Variants in SHROOM4 observed in about 807,000 individuals in gnomAD.
SHROOM4 encodes shroom family member 4.
Under a neutral mutation model 80.3 loss-of-function variants are expected in SHROOM4, and 17 were observed. The ratio of observed to expected loss-of-function variants is 0.21; its 90% CI spans 0.14 to 0.32. The LOEUF (loss-of-function observed/expected upper bound fraction) is 0.32. Among genes scored for constraint, SHROOM4 ranks in the 10% least tolerant of loss-of-function variants. The pLI, the probability that SHROOM4 is intolerant of heterozygous loss-of-function variation, is 1.00. For missense variants in SHROOM4, 993 were observed against 1,140.3 expected (o/e 0.87, Z 1.86); for synonymous variants, 400 against 437.5 (o/e 0.91, Z 1.07).
rs1934195780 is a variant in SHROOM4, at chrX:50,724,242, G to T, written c.118-28305C>A. The stretch of plus-strand genomic sequence containing the variant: ...AGAGAGCCATGAGCCAAGGAATATG[G>T]GCAACCTCTAGAAGCTAAAAAAGGC... On this transcript the variant is annotated intron_variant, in intron 1 of 8. Coordinates refer to ENST00000376020, the MANE Select transcript of SHROOM4 (RefSeq NM_020717.5). 2.7e-5 allele frequency among the ~76,000 whole-genome samples: 3 copies of T among 111,282 alleles called. No homozygotes were observed. The South Asian group carries it at 1.1e-3, about 42-fold the overall frequency.
intron 5 of SHROOM4, among the ~76,000 whole-genome samples, chrX:50,615,299 C>T (rs1930188921): frequency 9.0e-6 from 1 of 111,327 alleles, no homozygotes; most frequent in Admixed American, 9.6e-5. Flanking sequence ...CCTTTCCTAT[C>T]CTCCCACACT....
chrX:50,762,351 C>G (rs187418427), intron 1 of SHROOM4, among the ~76,000 whole-genome samples: 21 of 112,135 alleles, frequency 1.9e-4, no homozygotes, highest in African/African-American at 6.5e-4. Context: ...AAGTATCTCT[C>G]TATATGTTAC....
rs781955491 is a variant in SHROOM4 at position 50,607,713 on chromosome X, CTCTTCT to C, written c.3423_3428del (p.Glu1150_Glu1151del). On this transcript the variant is annotated inframe_deletion, in exon 6 of 9. Transcript: ENST00000376020. ...CCTCCTCCTCCTCCTCTTCCTCTTCCTCTTCTTCTTCTTCTTCCTCCTCCTCCTCCT... is the reference window on the plus strand; with the variant it reads ...CCTCCTCCTCCTCCTCTTCCTCTTCCTCTTCTTCTTCCTCCTCCTCCTCCT... 134 of 1,167,397 alleles carry C rather than the reference CTCTTCT, an allele frequency of 1.1e-4. No individual in the cohort carries two copies. The highest frequency in any genetic ancestry group is 5.6e-4 in the Admixed American group (24 of 43,080).
At chrX:50,615,102 G>GTGTGTGTGTGTCTCTTAT (rs1930178830) in intron 5 of SHROOM4, among the ~76,000 whole-genome samples, 1 of 45,981 alleles carries the variant, frequency 2.2e-5, no homozygotes, top group South Asian at 9.2e-4. Context: ...CTCTTATTGT[G>GTGTGTGTGTGTCTCTTAT]TGTGTGTGTG....
chrX:50,693,574 AAAAAGT>A (rs1383341853), intron 2 of SHROOM4, among the ~76,000 whole-genome samples: 1 of 105,792 alleles, frequency 9.5e-6, no homozygotes. Context: ...TCAAAAAAAA[AAAAAGT>A]AAGAGCTTTT....
chrX:50,801,392 T>C (rs1481473412), intron 1 of SHROOM4, among the ~76,000 whole-genome samples: 2 of 110,495 alleles, frequency 1.8e-5, no homozygotes, highest in Non-Finnish European at 3.8e-5. Context: ...AGTTCAGCCT[T>C]AAATTAGGGC....
downstream of SHROOM4, among the ~76,000 whole-genome samples, chrX:50,585,550 A>T (rs993525886): frequency 9.0e-6 from 1 of 111,647 alleles, no homozygotes. Context: ...AAGAATCAGG[A>T]CTTCATCCTC....
chrX:50,608,096 G>T lies in SHROOM4; in HGVS notation c.3046C>A (p.Arg1016=). 8.3e-7 allele frequency: 1 copy of T among 1,211,379 alleles called. No individual in the cohort carries two copies. Among genetic ancestry groups the T allele is most frequent in the Non-Finnish European group, 1.1e-6 (1 of 895,423 alleles). The stretch of plus-strand genomic sequence containing the variant: ...AGGAGGTCAAGAGAAGAAATTGCTC[G>T]GTAGCTTGACAAGTCCAGTGCTGGG... ...ENPALDLSSY[R]AISSLDLLGD... Residue 1016 remains arginine, a synonymous_variant, in exon 6 of 9, where the codon CGA becomes AGA. Coordinates refer to ENST00000376020, the MANE Select transcript of SHROOM4 (RefSeq NM_020717.5).
intron 1 of SHROOM4, among the ~76,000 whole-genome samples, chrX:50,763,954 G>T (rs1569548696): frequency 9.0e-6 from 1 of 111,672 alleles, no homozygotes; most frequent in Non-Finnish European, 1.9e-5. Context: ...TGGCTGGTCT[G>T]CCATTTAATT....
intron 5 of SHROOM4, among the ~76,000 whole-genome samples, chrX:50,623,024 A>T (rs1206326771): frequency 9.0e-6 from 1 of 111,491 alleles, no homozygotes; most frequent in Non-Finnish European, 1.9e-5. Flanking sequence ...ATGGCCTGAG[A>T]ATGTGCATTT....
intron 2 of SHROOM4, among the ~76,000 whole-genome samples, chrX:50,666,834 T>C (rs966299178): frequency 1.7e-4 from 19 of 110,691 alleles, no homozygotes; most frequent in African/African-American, 5.6e-4. Context: ...GGGCAGGTGA[T>C]GTTCTACTCT....
chrX:50,597,797 G>A (rs1929185579), intron 8 of SHROOM4, among the ~76,000 whole-genome samples: 1 of 111,035 alleles, frequency 9.0e-6, no homozygotes, highest in Non-Finnish European at 1.9e-5. Context: ...AGAATTTCAG[G>A]GCACTTAAAA....
chrX:50,608,260 T>C, intron 5 of SHROOM4, 76 bp from the exon 6 acceptor site: 2 of 960,965 alleles, frequency 2.1e-6, no homozygotes, highest in Non-Finnish European at 1.5e-6. Context: ...ACAACATTTA[T>C]ATAAAATTTA....
chrX:50,784,491 G>T (rs1276535775), intron 1 of SHROOM4, among the ~76,000 whole-genome samples: 3 of 111,398 alleles, frequency 2.7e-5, no homozygotes, highest in Non-Finnish European at 5.6e-5. Context: ...TAATCAAATA[G>T]TGCTGGAACA....
chrX:50,635,478 C>A lies in SHROOM4; in HGVS notation c.595G>T (p.Ala199Ser), dbSNP rs1557255829. 8.3e-7 allele frequency: 1 copy of A among 1,210,465 alleles called. No individual in the cohort carries two copies. Among genetic ancestry groups the A allele is most frequent in the Non-Finnish European group, 1.1e-6 (1 of 894,829 alleles). The change falls in exon 4 of 9, where the codon GCT becomes TCT. Residue 199 changes from alanine (A) to serine (S), a missense_variant. Coordinates refer to ENST00000376020, the MANE Select transcript of SHROOM4 (RefSeq NM_020717.5). ...CTGAGGGAAAGGGCACAGTCAGAAG[C>A]ATTTGAGCTGGCCGAGAAGGAGCTG... ...AYSSFSASSN[A>S]SDCALSLRPE...
chrX:50,644,979 C>T (rs1017858704), intron 2 of SHROOM4, among the ~76,000 whole-genome samples: 2 of 111,783 alleles, frequency 1.8e-5, no homozygotes, highest in Non-Finnish European at 3.8e-5. Flanking sequence ...TAATAATGAG[C>T]GAGGTACCAT....
intron 2 of SHROOM4, among the ~76,000 whole-genome samples, chrX:50,686,604 TATATTTTATATATACAC>T (rs1467069055): frequency 1.8e-5 from 2 of 111,464 alleles, no homozygotes; most frequent in African/African-American, 3.3e-5. Flanking sequence ...AATATATGTA[TATATTTTATATATACAC>T]ATATTTTATA....
chrX:50,792,625 T>C (rs782407591), intron 1 of SHROOM4, among the ~76,000 whole-genome samples: 20 of 110,044 alleles, frequency 1.8e-4, no homozygotes, highest in South Asian at 3.9e-4. Context: ...AACAGCATAA[T>C]AACAAAATCC....
chrX:50,619,722 T>C (rs782492039), intron 5 of SHROOM4, among the ~76,000 whole-genome samples: 28 of 112,042 alleles, frequency 2.5e-4, no homozygotes, highest in Non-Finnish European at 4.5e-4. Context: ...TACATACATA[T>C]GCAGTCACTG....
Sources: gnomAD v4.1 joint callset for allele counts (sites outside exome capture counted in the v4.1 genomes callset) on GRCh38, gnomAD v4.1.1 for gene constraint, MANE v1.5 for transcripts, NCBI Gene and HGNC (gene_info 2026-07-23, HGNC 2026-07-21) for gene names.